The following SPATA16 variants were observed in gnomAD, a reference collection of about 807,000 sequenced individuals.
The protein encoded by SPATA16 is spermatogenesis-associated protein 16.
Under a neutral mutation model 63.3 loss-of-function variants are expected in SPATA16, and 36 were observed. That is an observed-to-expected ratio of 0.57 (90% CI 0.44 to 0.75). SPATA16 has a LOEUF of 0.75. Among genes scored for constraint, SPATA16 ranks in the 30% least tolerant of loss-of-function variants. The pLI, the probability that SPATA16 is intolerant of heterozygous loss-of-function variation, is 0.00. For missense variants in SPATA16, 646 were observed against 679.3 expected, an observed-to-expected ratio of 0.95 and a Z score of 0.54; for synonymous variants, 203 against 216.7, an observed-to-expected ratio of 0.94 and a Z score of 0.56.
At chr3:173,083,130 TTAC>T (rs1485158027) in intron 2 of SPATA16, among the ~76,000 whole-genome samples, 4 of 152,062 alleles carry the variant, frequency 2.6e-5, no homozygotes, top group African/African-American at 9.7e-5. Flanking sequence ...GGCTTTTTTT[TTAC>T]TACACTGTTA....
chr3:172,936,366 G>T (rs1383261651), intron 6 of SPATA16, among the ~76,000 whole-genome samples: 1 of 152,138 alleles, frequency 6.6e-6, no homozygotes, highest in Non-Finnish European at 1.5e-5. Context: ...GAACTTCTGG[G>T]TTGGTGAACA....
Position 172,889,691 on chromosome 3 carries a change from A to G in SPATA16, c.1589T>C (p.Val530Ala), listed in dbSNP as rs754425532. ...GTATAGAAAATCTTCAATTTGTCCA[A>G]CCTAGAAGAAATAAACAGATGCAAC... ...NERVWNMIQK[V>A]GQIEDFLYQL... The change falls in exon 11 of 11, where the codon GTT (valine) becomes GCT (alanine). Residue 530 changes from valine (V) to alanine (A), a missense_variant and splice_region_variant. Transcript: ENST00000351008. 6.8e-6 allele frequency: 11 copies of G among 1,612,728 alleles called. No homozygotes were observed. In the East Asian group the frequency reaches 1.1e-4, roughly 16 times the overall value.
chr3:173,048,141 A>C (rs949791573), intron 3 of SPATA16, among the ~76,000 whole-genome samples: 1 of 152,144 alleles, frequency 6.6e-6, no homozygotes, highest in Non-Finnish European at 1.5e-5. Flanking sequence ...ATTTGTACCC[A>C]AAAGAAGTAC....
intron 2 of SPATA16, among the ~76,000 whole-genome samples, chr3:173,058,783 T>A (rs2108299312): frequency 6.6e-6 from 1 of 152,144 alleles, no homozygotes; most frequent in Admixed American, 6.5e-5. Flanking sequence ...TTTTAAAAAA[T>A]GTGTCATTTA....
chr3:172,957,305 CT>C (rs1443881991), intron 5 of SPATA16, among the ~76,000 whole-genome samples: 6 of 152,118 alleles, frequency 3.9e-5, no homozygotes, highest in East Asian at 1.9e-4. Flanking sequence ...CTGGGAAAGC[CT>C]TTTGGAATTA....
intron 10 of SPATA16, among the ~76,000 whole-genome samples, chr3:172,904,937 G>A (rs976325683): frequency 7.2e-5 from 11 of 152,116 alleles, no homozygotes; most frequent in South Asian, 2.1e-4. Context: ...TTCCACTGCA[G>A]TTGCTGGCCT....
intron 1 of SPATA16, among the ~76,000 whole-genome samples, chr3:173,133,239 G>A (rs1269875153): frequency 6.6e-6 from 1 of 152,144 alleles, no homozygotes; most frequent in African/African-American, 2.4e-5. Flanking sequence ...TTTCCAGCTG[G>A]TTGAAAGTTA....
intron 10 of SPATA16, among the ~76,000 whole-genome samples, chr3:172,890,591 T>G (rs1577078989): frequency 6.6e-6 from 1 of 152,196 alleles, no homozygotes; most frequent in East Asian, 1.9e-4. Flanking sequence ...ACTTCAATTT[T>G]CCAATTTTGA....
intron 4 of SPATA16, among the ~76,000 whole-genome samples, chr3:173,005,932 A>T (rs913671422): frequency 6.6e-6 from 1 of 152,212 alleles, no homozygotes. Flanking sequence ...TTGTTATAAG[A>T]TTATATGTTT....
At chr3:173,109,422 T>A (rs967112632) in intron 2 of SPATA16, among the ~76,000 whole-genome samples, 5 of 152,270 alleles carry the variant, frequency 3.3e-5, no homozygotes, top group Non-Finnish European at 5.9e-5. Context: ...ATAAAAAGCC[T>A]CAATAGTAAG....
At chr3:173,016,128 G>A (rs183275491) in intron 4 of SPATA16, among the ~76,000 whole-genome samples, 18 of 152,212 alleles carry the variant, frequency 1.2e-4, no homozygotes, top group East Asian at 9.6e-4. Context: ...AGCCATCTCC[G>A]CAATGTGACT....
chr3:172,981,597 C>G (rs1200732381), intron 4 of SPATA16, among the ~76,000 whole-genome samples: 3 of 152,138 alleles, frequency 2.0e-5, no homozygotes. Flanking sequence ...TCTTATGACT[C>G]TCTTGCTCAC....
intron 2 of SPATA16, among the ~76,000 whole-genome samples, chr3:173,100,622 C>T (rs900223787): frequency 6.8e-6 from 1 of 147,976 alleles, no homozygotes; most frequent in African/African-American, 2.5e-5. Flanking sequence ...AGGAAACATC[C>T]AAAATAGAGT....
chr3:173,079,834 C>T (rs976860114), intron 2 of SPATA16, among the ~76,000 whole-genome samples: 1 of 151,182 alleles, frequency 6.6e-6, no homozygotes, highest in Admixed American at 6.6e-5. Context: ...AAACTTATTT[C>T]TGAAATACTC....
intron 2 of SPATA16, among the ~76,000 whole-genome samples, chr3:173,060,245 G>T (rs543468060): frequency 7.2e-5 from 11 of 152,140 alleles, no homozygotes; most frequent in Admixed American, 6.5e-4. Context: ...TGACAACAGC[G>T]AAACTCCATC....
intron 2 of SPATA16, among the ~76,000 whole-genome samples, chr3:173,078,141 TA>T (rs1026080529): frequency 3.0e-4 from 45 of 152,024 alleles, no homozygotes; most frequent in South Asian, 1.0e-3. Flanking sequence ...ATTTTATAGA[TA>T]AAAAAAATTG....
chr3:173,024,589 A>G (rs563225021), intron 3 of SPATA16, among the ~76,000 whole-genome samples: 1 of 150,980 alleles, frequency 6.6e-6, no homozygotes, highest in South Asian at 2.1e-4. Context: ...TGAGAAAGTG[A>G]ATAATAAAAT....
intron 10 of SPATA16, among the ~76,000 whole-genome samples, chr3:172,894,027 T>C (rs931487134): frequency 2.6e-5 from 4 of 152,138 alleles, no homozygotes; most frequent in Non-Finnish European, 5.9e-5. Context: ...GGAATAAATA[T>C]CAGGTTTATA....
At chr3:173,111,838 A>G (rs1383072491) in intron 2 of SPATA16, among the ~76,000 whole-genome samples, 1 of 152,236 alleles carries the variant, frequency 6.6e-6, no homozygotes, top group Admixed American at 6.5e-5. Context: ...CATTTACCAT[A>G]AAGAATGTGT....
Sources: gnomAD v4.1 joint callset for allele counts (sites outside exome capture counted in the v4.1 genomes callset) on GRCh38, gnomAD v4.1.1 for gene constraint, MANE v1.5 for transcripts, NCBI Gene and HGNC (gene_info 2026-07-23, HGNC 2026-07-21) for gene names.